The following KAZN variants were observed in gnomAD, a reference collection of about 807,000 sequenced individuals.
KAZN encodes the protein kazrin.
A neutral mutation model predicts 87.4 loss-of-function variants in KAZN; 40 were observed. That is an observed-to-expected ratio of 0.46 (90% CI 0.36 to 0.60). The LOEUF (loss-of-function observed/expected upper bound fraction) is 0.60, where lower values mean the gene tolerates loss of function less well. KAZN is among the 20% of genes least tolerant of loss of function. KAZN has a pLI of 0.00. For synonymous variants in KAZN, 466 were observed against 458.3 expected, an observed-to-expected ratio of 1.02 and a Z score of -0.22; for missense variants, 898 against 1,073.9, an observed-to-expected ratio of 0.84 and a Z score of 2.29.
intron 1 of KAZN, among the ~76,000 whole-genome samples, chr1:13,964,707 T>C (rs1212352839): frequency 6.6e-6 from 1 of 152,194 alleles, no homozygotes; most frequent in Non-Finnish European, 1.5e-5. Flanking sequence ...TTTGCCGCAT[T>C]CTGTCAGCCA....
At chr1:14,678,989 C>T (rs1243404972) in intron 1 of KAZN, among the ~76,000 whole-genome samples, 3 of 152,172 alleles carry the variant, frequency 2.0e-5, no homozygotes, top group African/African-American at 4.8e-5. Context: ...GTGGTAAATG[C>T]TGTGAAAAAG....
chr1:14,475,463 G>A (rs950994641), intron 2 of KAZN, among the ~76,000 whole-genome samples: 4 of 152,204 alleles, frequency 2.6e-5, no homozygotes, highest in Non-Finnish European at 5.9e-5. Context: ...CCCGTATCTT[G>A]TGTATCGATT....
chr1:14,334,313 C>T (rs820624), intron 2 of KAZN, among the ~76,000 whole-genome samples: 11 of 125,328 alleles, frequency 8.8e-5, no homozygotes, highest in Admixed American at 5.4e-4. Flanking sequence ...TGCAGTGAGC[C>T]GAGATTGCAC....
intron 1 of KAZN, among the ~76,000 whole-genome samples, chr1:14,117,964 T>C (rs1483702808): frequency 1.3e-5 from 2 of 152,202 alleles, no homozygotes; most frequent in Non-Finnish European, 2.9e-5. Context: ...CAGAAAGGTT[T>C]CCCACATGTG....
intron 1 of KAZN, among the ~76,000 whole-genome samples, chr1:13,947,836 C>T (rs1226110184): frequency 6.6e-6 from 1 of 152,108 alleles, no homozygotes; most frequent in Admixed American, 6.5e-5. Flanking sequence ...ATAAGGACAC[C>T]AGTCATGTTG....
chr1:14,933,733 C>G (rs964649564), intron 1 of KAZN, among the ~76,000 whole-genome samples: 2 of 152,148 alleles, frequency 1.3e-5, no homozygotes, highest in Admixed American at 6.5e-5. Context: ...GCCTTGAACT[C>G]CTGGTTTCAA....
chr1:14,772,502 A>G (rs1645046074), intron 1 of KAZN, among the ~76,000 whole-genome samples: 1 of 143,298 alleles, frequency 7.0e-6, no homozygotes, highest in Non-Finnish European at 1.5e-5. Flanking sequence ...TGCCCCAATC[A>G]CCTAATACGT....
At chr1:14,764,761 G>A (rs1040158486) in intron 1 of KAZN, among the ~76,000 whole-genome samples, 6 of 152,160 alleles carry the variant, frequency 3.9e-5, no homozygotes, top group African/African-American at 1.4e-4. Flanking sequence ...CTGGCACCAG[G>A]CTGGGTATAG....
intron 2 of KAZN, among the ~76,000 whole-genome samples, chr1:14,272,048 C>T (rs779308238): frequency 2.0e-5 from 3 of 152,200 alleles, no homozygotes; most frequent in East Asian, 1.9e-4. Flanking sequence ...TTTGGTGACA[C>T]GAAGCACCTA....
chr1:14,426,720 G>A (rs1163747548), intron 2 of KAZN, among the ~76,000 whole-genome samples: 1 of 152,116 alleles, frequency 6.6e-6, no homozygotes, highest in Non-Finnish European at 1.5e-5. Flanking sequence ...AAAGCCAAAT[G>A]TCCAGCCCCT....
intron 2 of KAZN, among the ~76,000 whole-genome samples, chr1:14,557,629 GGT>G (rs59563758): frequency 0.069 from 9,465 of 137,866 alleles, 503 homozygotes; most frequent in African/African-American, 0.15. Flanking sequence ...GGTGTGTGTG[GGT>G]GTGTGTGTGT....
chr1:14,491,564 CCT>C (rs1449991820), intron 2 of KAZN, among the ~76,000 whole-genome samples: 1 of 152,144 alleles, frequency 6.6e-6, no homozygotes, highest in African/African-American at 2.4e-5. Context: ...AATGAGAATA[CCT>C]TCTGTATTCA....
intron 2 of KAZN, among the ~76,000 whole-genome samples, chr1:15,009,955 C>G (rs1557712529): frequency 6.6e-6 from 1 of 152,010 alleles, no homozygotes; most frequent in African/African-American, 2.4e-5. Flanking sequence ...ACATAACCTC[C>G]AAACTATCAT....
chr1:14,920,263 C>T (rs547011580), intron 1 of KAZN, among the ~76,000 whole-genome samples: 100 of 148,284 alleles, frequency 6.7e-4, no homozygotes, highest in Admixed American at 1.4e-3. Context: ...TTTCTGTCTG[C>T]AGCCTCTTTT....
chr1:14,071,615 G>A (rs1373882004), intron 1 of KAZN, among the ~76,000 whole-genome samples: 2 of 152,182 alleles, frequency 1.3e-5, no homozygotes, highest in African/African-American at 4.8e-5. Flanking sequence ...GAAGATGGGG[G>A]CAGCATCCTC....
At chr1:14,598,436 C>T (rs1676653405), upstream of KAZN, among the ~76,000 whole-genome samples, 1 of 152,138 alleles carries the variant, frequency 6.6e-6, no homozygotes, top group Non-Finnish European at 1.5e-5. This position sits in a 1 kb window ranked among gnomAD's most constrained non-coding sequence, Gnocchi z 4.2. Flanking sequence ...AGGGCGGGGG[C>T]TGCCCCACCG....
At chr1:14,020,544 G>C (rs186096997) in intron 1 of KAZN, among the ~76,000 whole-genome samples, 32 of 152,322 alleles carry the variant, frequency 2.1e-4, no homozygotes, top group African/African-American at 7.7e-4. Flanking sequence ...CTGTAAAACT[G>C]TGTTAAAGTG....
chr1:14,082,916 C>G (rs61775671), intron 1 of KAZN, among the ~76,000 whole-genome samples: 3 of 152,212 alleles, frequency 2.0e-5, no homozygotes, highest in African/African-American at 7.2e-5. Context: ...AATACAAGGG[C>G]CAGGCGTGGT....
chr1:14,706,988 T>G (rs2148815070), intron 1 of KAZN, among the ~76,000 whole-genome samples: 1 of 152,326 alleles, frequency 6.6e-6, no homozygotes, highest in African/African-American at 2.4e-5. Flanking sequence ...TCAGCCTCTC[T>G]TTGTTACCAT....
Sources: gnomAD v4.1 joint callset for allele counts (sites outside exome capture counted in the v4.1 genomes callset) on GRCh38, gnomAD v4.1.1 for gene constraint, Gnocchi (gnomAD v3.1) non-coding constraint, MANE v1.5 for transcripts, NCBI Gene and HGNC (gene_info 2026-07-23, HGNC 2026-07-21) for gene names.